DMRT1: variants seen among roughly 807,000 people sequenced by gnomAD.
DMRT1 encodes the protein doublesex and mab-3 related transcription factor 1.
Under a neutral mutation model 32.3 loss-of-function variants are expected in DMRT1, and 7 were observed. That is an observed-to-expected ratio of 0.22 (90% CI 0.12 to 0.41). The LOEUF (loss-of-function observed/expected upper bound fraction) is 0.41, where lower values mean the gene tolerates loss of function less well. Among genes scored for constraint, DMRT1 ranks in the 10% least tolerant of loss-of-function variants. The pLI, the probability that DMRT1 is intolerant of heterozygous loss-of-function variation, is 1.00. For synonymous variants in DMRT1, 278 were observed against 206.1 expected (o/e 1.35, Z -2.99); for missense variants, 625 against 500.5 (o/e 1.25, Z -2.37).
chr9:941,214 T>C (rs77573543), intron 4 of DMRT1, among the ~76,000 whole-genome samples: 1,581 of 152,222 alleles, frequency 0.01, 18 homozygotes, highest in African/African-American at 0.036. Flanking sequence ...TCCAGAGATA[T>C]TTGTACACTC....
At chr9:866,187 G>C (rs1447196310) in intron 2 of DMRT1, among the ~76,000 whole-genome samples, 1 of 60,918 alleles carries the variant, frequency 1.6e-5, no homozygotes, top group Non-Finnish European at 3.9e-5. Flanking sequence ...AAAAAAAAAA[G>C]ACAGTGGTGG....
At chr9:878,348 A>C (rs556290037) in intron 2 of DMRT1, among the ~76,000 whole-genome samples, 1 of 152,200 alleles carries the variant, frequency 6.6e-6, no homozygotes, top group Non-Finnish European at 1.5e-5. Flanking sequence ...ACTCTACTCC[A>C]CTGGGTTGCA....
chr9:920,775 A>C (rs534390107), intron 4 of DMRT1, among the ~76,000 whole-genome samples: 3 of 152,254 alleles, frequency 2.0e-5, no homozygotes, highest in African/African-American at 7.2e-5. Flanking sequence ...TGGAGGGCAC[A>C]ATTGCTGTAG....
intron 4 of DMRT1, among the ~76,000 whole-genome samples, chr9:953,146 A>G (rs1254612386): frequency 6.6e-6 from 1 of 152,204 alleles, no homozygotes; most frequent in Non-Finnish European, 1.5e-5. Context: ...ATATACGTGG[A>G]GTCAAGCTTA....
At chr9:915,492 A>G (rs1036827285) in intron 3 of DMRT1, among the ~76,000 whole-genome samples, 7 of 68,654 alleles carry the variant, frequency 1.0e-4, no homozygotes, top group East Asian at 9.3e-4. Context: ...CTGTGCTCAC[A>G]TGCAGCTGCC....
chr9:843,710 G>A (rs1374785074), intron 1 of DMRT1, among the ~76,000 whole-genome samples: 2 of 152,194 alleles, frequency 1.3e-5, no homozygotes, highest in Non-Finnish European at 2.9e-5. Flanking sequence ...AGATAACGAA[G>A]AAATGTTTGC....
In DMRT1 at chr9:893,983, G is replaced by A. The variant is rs769338681; in HGVS notation, c.610G>A (p.Val204Ile). ...GCATGTGGAGAACACACCTGACCTG[G>A]TTTCAGACTCCACCTACTACAGCAG... ...RGHVENTPDL[V>I]SDSTYYSSFY... Residue 204 changes from valine to isoleucine, a missense_variant, in exon 3 of 5, where the codon GTT (valine) becomes ATT (isoleucine). This residue lies in a region of DMRT1 where 416 missense variants were observed against 321.6 expected (regional missense o/e 1.29). Transcript: ENST00000382276. 3.1e-6 allele frequency: 5 copies of A among 1,614,060 alleles called. No homozygotes were observed. In the Admixed American group the frequency reaches 8.3e-5, roughly 27 times the overall value.
chr9:862,098 G>GT (rs1249888625), intron 2 of DMRT1, among the ~76,000 whole-genome samples: 1 of 100,516 alleles, frequency 9.9e-6, no homozygotes, highest in Non-Finnish European at 2.3e-5. Context: ...CCTAGACGGG[G>GT]TGGCGGCTGG....
At chr9:877,197 G>A (rs1249296712) in intron 2 of DMRT1, among the ~76,000 whole-genome samples, 1 of 152,186 alleles carries the variant, frequency 6.6e-6, no homozygotes, top group Non-Finnish European at 1.5e-5. Flanking sequence ...ATTTTTATTT[G>A]TAGAATCACC....
At chr9:925,986 G>A (rs6477371) in intron 4 of DMRT1, among the ~76,000 whole-genome samples, 121,061 of 152,104 alleles carry the variant, frequency 0.8, 48,314 homozygotes, top group South Asian at 0.9. Context: ...ACTTGGGAAT[G>A]TTCTATTTGC....
chr9:951,489 G>GT (rs371354540), intron 4 of DMRT1, among the ~76,000 whole-genome samples: 24 of 152,282 alleles, frequency 1.6e-4, no homozygotes, highest in African/African-American at 5.3e-4. Context: ...ATACTGAATG[G>GT]TACAGATGAC....
intron 2 of DMRT1, among the ~76,000 whole-genome samples, chr9:886,448 G>T (rs1816932978): frequency 6.6e-6 from 1 of 152,136 alleles, no homozygotes; most frequent in African/African-American, 2.4e-5. Context: ...TTGAGATGGG[G>T]TTTTGCCATG....
Position 841,818 on chromosome 9 carries a change from C to T in DMRT1, c.-21C>T, listed in dbSNP as rs755862819. On this transcript the variant is annotated 5_prime_UTR_variant, in exon 1 of 5. Transcript: ENST00000382276. ...AGGCGAGAGAGGGGGCCAGAGTGCT[C>T]GCACTTCTCCTAGGGGCACCATGCC... 29 of 1,599,422 alleles carry T rather than the reference C, an allele frequency of 1.8e-5. No homozygotes were observed. The African/African-American group carries it at 3.5e-4, about 19-fold the overall frequency.
chr9:875,827 A>T (rs1033013125), intron 2 of DMRT1, among the ~76,000 whole-genome samples: 1 of 152,176 alleles, frequency 6.6e-6, no homozygotes, highest in Non-Finnish European at 1.5e-5. Flanking sequence ...GTACACACAC[A>T]TATATATTTA....
chr9:937,374 G>C (rs1818921509), intron 4 of DMRT1, among the ~76,000 whole-genome samples: 1 of 152,234 alleles, frequency 6.6e-6, no homozygotes, highest in Admixed American at 6.5e-5. Flanking sequence ...AAGTAGAATT[G>C]CTGCGTTAAA....
At chr9:858,003 C>T (rs1380427012) in intron 2 of DMRT1, among the ~76,000 whole-genome samples, 1 of 152,040 alleles carries the variant, frequency 6.6e-6, no homozygotes, top group African/African-American at 2.4e-5. Flanking sequence ...ATATGTGCCA[C>T]ATTTTCTTAA....
At position 862,000 on chromosome 9, in the gene DMRT1, T is replaced by C. The variant is rs1347542195; in HGVS notation, c.538+14857T>C. On this transcript the variant is annotated intron_variant, in intron 2 of 4. Coordinates refer to ENST00000382276, the MANE Select transcript of DMRT1 (RefSeq NM_021951.3). ...AGACGGGATGACGGCCGGGAAGAGG[T>C]GCTCCTCACTTCCCAGACTGGGCGG... Among the ~76,000 whole-genome samples, 243 of 142,328 alleles carry C rather than the reference T, an allele frequency of 1.7e-3. 3 individuals carry two copies. Among genetic ancestry groups the C allele is most frequent in the African/African-American group, 5.6e-3 (211 of 37,432 alleles). The allele number at this position is 142,328 out of a possible 152,430, so 93.4% of individuals were successfully genotyped here. A position where few individuals can be genotyped will look rare whatever the true frequency, so the allele number is the denominator to read the frequency against.
In DMRT1 at chr9:855,815, C is replaced by T. The variant is rs373767724; in HGVS notation, c.538+8672C>T. On this transcript the variant is annotated intron_variant, in intron 2 of 4. Coordinates refer to ENST00000382276, the MANE Select transcript of DMRT1 (RefSeq NM_021951.3). ...AATATTTTTATAGAGATGGGGATCT[C>T]GCTGTGTTGCCTAGGCTGGTCTCAA... is the stretch of plus-strand genomic sequence containing the variant. Among the ~76,000 whole-genome samples the T allele has an allele frequency of 4.6e-5, 7 of 152,240 alleles. No individual in the cohort carries two copies. The East Asian group carries it at 7.7e-4, about 17-fold the overall frequency.
At chr9:842,984 A>G (rs1036644653) in intron 1 of DMRT1, 1 of 152,180 alleles carries the variant, frequency 6.6e-6, no homozygotes, top group Non-Finnish European at 1.5e-5. Context: ...TTCGACTCCA[A>G]GGGAATCCCA....
Sources: gnomAD v4.1 joint callset for allele counts (sites outside exome capture counted in the v4.1 genomes callset) on GRCh38, gnomAD v4.1.1 for gene constraint, gnomAD v4.1.1 regional missense constraint, MANE v1.5 for transcripts, NCBI Gene and HGNC (gene_info 2026-07-23, HGNC 2026-07-21) for gene names.